SOX5: variants seen among roughly 807,000 people sequenced by gnomAD.
The protein encoded by SOX5 is SRY-box transcription factor 5.
A neutral mutation model predicts 92.0 loss-of-function variants in SOX5; 9 were observed. That is an observed-to-expected ratio of 0.10 (90% CI 0.06 to 0.17). The LOEUF is 0.17. SOX5 is among the 10% of genes least tolerant of loss of function. SOX5 has a pLI of 1.00. For missense variants in SOX5, 642 were observed against 944.5 expected (o/e 0.68, Z 4.20); for synonymous variants, 344 against 336.3 (o/e 1.02, Z -0.25).
At chr12:24,329,254 G>C (rs1430826595) in intron 2 of SOX5, among the ~76,000 whole-genome samples, 2 of 152,156 alleles carry the variant, frequency 1.3e-5, no homozygotes, top group Non-Finnish European at 2.9e-5. Context: ...AATTTATAAA[G>C]AAAGGAGTTT....
chr12:23,536,608 A>G lies in SOX5; in HGVS notation c.1833T>C (p.Arg611=), dbSNP rs780321786. Residue 611 remains arginine (R), a synonymous_variant, in exon 14 of 15, where the codon CGT becomes CGC. Coordinates refer to ENST00000451604, the MANE Select transcript of SOX5 (RefSeq NM_006940.6). The part of the protein sequence containing the change: ...EKQPYYEEQA[R]LSKQHLEKYP... ...ACTTCTCCAGGTGCTGCTTGCTGAG[A>G]CGGGCTTGCTCCTCATAATATGGCT... is the stretch of plus-strand genomic sequence containing the variant. 7 of 1,614,144 alleles carry G rather than the reference A, an allele frequency of 4.3e-6. No homozygotes were observed. Among genetic ancestry groups the G allele is most frequent in the Non-Finnish European group, 5.9e-6 (7 of 1,180,008 alleles).
intron 3 of SOX5, among the ~76,000 whole-genome samples, chr12:23,758,402 T>TTC (rs1555322307): frequency 0.01 from 1,543 of 151,584 alleles, 21 homozygotes; most frequent in African/African-American, 0.036. Context: ...TTTTTTTTTT[T>TTC]CCTACACATT....
intron 1 of SOX5, among the ~76,000 whole-genome samples, chr12:24,447,231 AG>A (rs1315022773): frequency 1.3e-5 from 2 of 152,160 alleles, no homozygotes; most frequent in South Asian, 4.2e-4. Flanking sequence ...CAGGTGAAAA[AG>A]GTTAGTGTCA....
intron 11 of SOX5, among the ~76,000 whole-genome samples, chr12:23,561,862 G>A (rs938592969): frequency 6.0e-5 from 9 of 150,752 alleles, no homozygotes; most frequent in Non-Finnish European, 1.3e-4. Context: ...GCAACCAACT[G>A]CTGTATCCAC....
Position 23,665,429 on chromosome 12 carries a change from A to G in SOX5, c.931+15T>C, listed in dbSNP as rs766171693. ...CCCTCCACCCACTCCCAGATGAAAA[A>G]TCAACAGTACTTACTACATCCAGCC... On this transcript the variant is annotated intron_variant, in intron 7 of 14. Coordinates refer to ENST00000451604, the MANE Select transcript of SOX5 (RefSeq NM_006940.6). 2 of 1,613,148 alleles carry G rather than the reference A, an allele frequency of 1.2e-6. No homozygotes were observed. Among genetic ancestry groups the G allele is most frequent in the Non-Finnish European group, 1.7e-6 (2 of 1,179,382 alleles).
At chr12:23,991,433 G>T (rs1950549935) in intron 4 of SOX5, among the ~76,000 whole-genome samples, 1 of 151,532 alleles carries the variant, frequency 6.6e-6, no homozygotes, top group Admixed American at 6.6e-5. Context: ...TGATATTTCT[G>T]CAGTAAAATA....
Position 24,341,905 on chromosome 12 carries a change from T to C in SOX5, c.-174+26658A>G, listed in dbSNP as rs189859195. On this transcript the variant is annotated intron_variant, in intron 2 of 4. Transcript: ENST00000446891. ...CTGGTAAGGCCACCTCCTCCGTTGG[T>C]TGCTCCAGCACTAAGGGTGGTGGTA... is the stretch of plus-strand genomic sequence containing the variant. 3.9e-5 allele frequency among the ~76,000 whole-genome samples: 6 copies of C among 152,294 alleles called. No homozygotes were observed. In the East Asian group the frequency reaches 1.2e-3, roughly 29 times the overall value.
chr12:24,111,027 G>A lies in SOX5; in HGVS notation c.-2+102316C>T, dbSNP rs537723825. Among the ~76,000 whole-genome samples the A allele has an allele frequency of 3.5e-4, 52 of 150,314 alleles. 1 individual carries two copies. The East Asian group carries it at 9.1e-3, about 26-fold the overall frequency. ...GGCATTAATACTTTGGGTCCAACAT[G>A]TCTTTACTGTGGGAGACTGTGATAT... is the stretch of plus-strand genomic sequence containing the variant. On this transcript the variant is annotated intron_variant, in intron 4 of 4. Coordinates refer to the SOX5 transcript ENST00000446891.
intron 11 of SOX5, among the ~76,000 whole-genome samples, chr12:23,558,112 T>C (rs1019867184): frequency 6.6e-6 from 1 of 152,218 alleles, no homozygotes; most frequent in Non-Finnish European, 1.5e-5. Context: ...ATTTTTGTAA[T>C]ATGCCTGTGG....
chr12:23,579,642 T>C (rs1347913716), intron 9 of SOX5, among the ~76,000 whole-genome samples: 2 of 152,136 alleles, frequency 1.3e-5, no homozygotes, highest in Admixed American at 1.3e-4. Context: ...ATTCTTATAA[T>C]ATGAATATGT....
intron 1 of SOX5, among the ~76,000 whole-genome samples, chr12:24,390,084 G>T (rs1382792524): frequency 2.6e-5 from 4 of 152,036 alleles, no homozygotes; most frequent in Non-Finnish European, 4.4e-5. Flanking sequence ...AGGCTGTTTT[G>T]AAATCCTCCC....
intron 1 of SOX5, among the ~76,000 whole-genome samples, chr12:24,450,488 T>TGA (rs1489363649): frequency 4.0e-5 from 6 of 150,972 alleles, no homozygotes; most frequent in African/African-American, 1.2e-4. Context: ...ATTTATTTAT[T>TGA]TATTTATTTA....
In SOX5 at chr12:24,289,712, C is replaced by T. The variant is rs979998506; in HGVS notation, c.-173-12400G>A. 2.5e-5 allele frequency among the ~76,000 whole-genome samples: 3 copies of T among 120,624 alleles called. 1 individual carries two copies. The highest frequency in any genetic ancestry group is 1.4e-4 in the African/African-American group (3 of 20,820). The allele number at this position is 120,624 out of a possible 152,430, so 79.1% of individuals were successfully genotyped here. A position where few individuals can be genotyped will look rare whatever the true frequency, so the allele number is the denominator to read the frequency against. ...CCTCGTGATCCGCCCGCCTCGGCCTCCCAAAGTGCTGGGATTACAGGCGTG... is the reference window on the plus strand; with the variant it reads ...CCTCGTGATCCGCCCGCCTCGGCCTTCCAAAGTGCTGGGATTACAGGCGTG... On this transcript the variant is annotated intron_variant, in intron 2 of 4. Coordinates refer to the SOX5 transcript ENST00000446891.
chr12:24,488,545 C>A (rs1009127735), intron 1 of SOX5, among the ~76,000 whole-genome samples: 2 of 152,112 alleles, frequency 1.3e-5, no homozygotes, highest in Non-Finnish European at 2.9e-5. Flanking sequence ...ATGATGGCAC[C>A]ACTGCACTCT....
intron 4 of SOX5, among the ~76,000 whole-genome samples, chr12:24,052,763 C>T (rs946568146): frequency 1.3e-5 from 2 of 152,186 alleles, no homozygotes; most frequent in African/African-American, 4.8e-5. Context: ...AACTGGCTAA[C>T]TGGCTTCAAG....
rs2095409994 is a variant in SOX5, at chr12:23,787,949, G to A, written c.482-32225C>T. Among the ~76,000 whole-genome samples the A allele has an allele frequency of 2.6e-5, 3 of 116,764 alleles. No individual in the cohort carries two copies. In the Admixed American group the frequency reaches 2.7e-4, roughly 11 times the overall value. The allele number at this position is 116,764 out of a possible 152,430, so 76.6% of individuals were successfully genotyped here. On this transcript the variant is annotated intron_variant, in intron 3 of 14. Coordinates refer to ENST00000451604, the MANE Select transcript of SOX5 (RefSeq NM_006940.6). ...TGCTGCAGCAGAAGTAACAGGATCT[G>A]AGCAAAGAGTCTTATGAAATGAAGA...
intron 1 of SOX5, among the ~76,000 whole-genome samples, chr12:24,528,296 C>A (rs1950889831): frequency 6.6e-6 from 1 of 152,070 alleles, no homozygotes; most frequent in Admixed American, 6.5e-5. Flanking sequence ...AAAATATAAA[C>A]AGGAATTTTT....
In SOX5 at chr12:24,317,317, C is replaced by T. The variant is rs368310167; in HGVS notation, c.-173-40005G>A. On this transcript the variant is annotated intron_variant, in intron 2 of 4. Coordinates refer to the SOX5 transcript ENST00000446891. ...AAGACTTGCAATTTTTTGAACATAA[C>T]AAATGTCATCTGTGTAAAGCAAATT... is the stretch of plus-strand genomic sequence containing the variant. Among the ~76,000 whole-genome samples, 274 of 152,262 alleles carry T rather than the reference C, an allele frequency of 1.8e-3. 2 individuals are homozygous for T. Among genetic ancestry groups the T allele is most frequent in the African/African-American group, 6.3e-3 (263 of 41,562 alleles).
intron 8 of SOX5, among the ~76,000 whole-genome samples, chr12:23,617,733 G>C (rs1033157397): frequency 6.6e-6 from 1 of 152,152 alleles, no homozygotes; most frequent in Non-Finnish European, 1.5e-5. Flanking sequence ...TCAAATGCAC[G>C]GGGTTTTAAA....
Sources: allele counts gnomAD v4.1 joint callset (sites outside exome capture counted in the v4.1 genomes callset), GRCh38; gene constraint gnomAD v4.1.1; transcripts MANE v1.5; gene names NCBI Gene and HGNC (gene_info 2026-07-23, HGNC 2026-07-21).